Variants in RPS6KA2 observed in about 807,000 individuals in gnomAD.
The protein encoded by RPS6KA2 is ribosomal protein S6 kinase alpha-2.
Under a neutral mutation model 91.8 loss-of-function variants are expected in RPS6KA2, and 42 were observed. The observed-to-expected ratio is 0.46, with a 90% CI of 0.36 to 0.59. RPS6KA2 has a LOEUF of 0.59. Ranked by LOEUF, RPS6KA2 falls within the 20% of genes least tolerant of loss-of-function variation. RPS6KA2 has a pLI of 0.00. For synonymous variants in RPS6KA2, 414 were observed against 393.6 expected, an observed-to-expected ratio of 1.05 and a Z score of -0.61; for missense variants, 798 against 978.5, an observed-to-expected ratio of 0.82 and a Z score of 2.46.
rs190267532 is a variant in RPS6KA2 at position 166,634,646 on chromosome 6, G to A, written c.124-95862C>T. ...ATTTCATTTGCAAATGTTTTTTGAG[G>A]CAGAATCTCACTCTGTCCCCCAGGC... is the stretch of plus-strand genomic sequence containing the variant. On this transcript the variant is annotated intron_variant, in intron 2 of 21. Coordinates refer to the RPS6KA2 transcript ENST00000503859. Among the ~76,000 whole-genome samples, 20 of 152,224 alleles carry A rather than the reference G, an allele frequency of 1.3e-4. No individual in the cohort carries two copies. The East Asian group carries it at 3.9e-3, about 29-fold the overall frequency.
intron 2 of RPS6KA2, among the ~76,000 whole-genome samples, chr6:166,637,050 C>T (rs1787267319): frequency 6.6e-6 from 1 of 152,216 alleles, no homozygotes; most frequent in African/African-American, 2.4e-5. Flanking sequence ...TTCCTCTCCA[C>T]CACCTAAAGG....
At chr6:166,673,507 G>A (rs1024905199) in intron 2 of RPS6KA2, among the ~76,000 whole-genome samples, 5 of 152,114 alleles carry the variant, frequency 3.3e-5, no homozygotes, top group Admixed American at 1.3e-4. Flanking sequence ...ACAGCCCTAC[G>A]GACTCCCAGC....
At chr6:166,534,066 C>T (rs1253133150) in intron 2 of RPS6KA2, among the ~76,000 whole-genome samples, 1 of 151,758 alleles carries the variant, frequency 6.6e-6, no homozygotes, top group Non-Finnish European at 1.5e-5. Context: ...ACTAAAAATA[C>T]AAAAAATTAG....
chr6:166,430,898 C>A (rs1779106258), intron 15 of RPS6KA2, among the ~76,000 whole-genome samples: 1 of 152,126 alleles, frequency 6.6e-6, no homozygotes, highest in Admixed American at 6.5e-5. Flanking sequence ...GGCTTCATGA[C>A]TCTGCCAGGA....
In RPS6KA2 at chr6:166,411,041, T is replaced by G. The variant is rs1331319789; in HGVS notation, c.*1721A>C. ...TGGAGAAAATGTGAGGAATACCCTG[T>G]GGGCACTATGGAAACAGGTATTCAG... On this transcript the variant is annotated 3_prime_UTR_variant, in exon 21 of 21. Transcript: ENST00000265678. This position sits in a 1 kb window ranked among gnomAD's most constrained non-coding sequence, Gnocchi z 4.5. 6.6e-6 allele frequency: 1 copy of G among 152,134 alleles called. No individual in the cohort carries two copies. Among genetic ancestry groups the G allele is most frequent in the Non-Finnish European group, 1.5e-5 (1 of 68,028 alleles). The allele number at this position is 152,134 out of a possible 1,614,324, so 9.4% of individuals were successfully genotyped here. A position where few individuals can be genotyped will look rare whatever the true frequency, so the allele number is the denominator to read the frequency against.
intron 1 of RPS6KA2, among the ~76,000 whole-genome samples, chr6:166,588,739 A>G (rs545095058): frequency 1.3e-5 from 2 of 152,212 alleles, no homozygotes; most frequent in Non-Finnish European, 2.9e-5. Context: ...TGCCCTGATG[A>G]TGGACACAGG....
chr6:166,722,873 T>A (rs530430127), intron 2 of RPS6KA2, among the ~76,000 whole-genome samples: 57 of 152,178 alleles, frequency 3.7e-4, no homozygotes, highest in Non-Finnish European at 7.4e-5. Flanking sequence ...ATTTCTGGAG[T>A]AATTTCGGTT....
intron 2 of RPS6KA2, among the ~76,000 whole-genome samples, chr6:166,772,804 A>G (rs1261074910): frequency 6.6e-6 from 1 of 151,836 alleles, no homozygotes; most frequent in Middle Eastern, 3.2e-3. Flanking sequence ...CACATTACTA[A>G]ATTTTTCATA....
chr6:166,610,857 A>C (rs1786145214), intron 1 of RPS6KA2, among the ~76,000 whole-genome samples: 1 of 152,254 alleles, frequency 6.6e-6, no homozygotes, highest in Admixed American at 6.5e-5. Flanking sequence ...TGTAATAAAT[A>C]ATATACCTTT....
chr6:166,694,389 A>G (rs1562387251), intron 2 of RPS6KA2, among the ~76,000 whole-genome samples: 1 of 152,222 alleles, frequency 6.6e-6, no homozygotes. Flanking sequence ...CTGTTCACCC[A>G]TCTCTCCATT....
intron 2 of RPS6KA2, among the ~76,000 whole-genome samples, chr6:166,839,689 A>AGAGGGGAGGGGAGGGGAGGG (rs1554262087): frequency 2.9e-4 from 2 of 6,786 alleles, no homozygotes; most frequent in African/African-American, 7.8e-4. Context: ...GCAGGAGAGG[A>AGAGGGGAGGGGAGGGGAGGG]GAGGGGAGGA....
Position 166,601,771 on chromosome 6 carries a change from G to A in RPS6KA2, c.99+25150C>T, listed in dbSNP as rs972550122. ...AATGCAAGTCATTAAAGACCAAAGC[G>A]TTAAAATTAAAACTTTAAAAATTTT... is the stretch of plus-strand genomic sequence containing the variant. On this transcript the variant is annotated intron_variant, in intron 1 of 20. Coordinates refer to ENST00000265678, the MANE Select transcript of RPS6KA2 (RefSeq NM_021135.6). Among the ~76,000 whole-genome samples, 10 of 152,150 alleles carry A rather than the reference G, an allele frequency of 6.6e-5. No individual in the cohort carries two copies. The Middle Eastern group carries it at 0.01, about 155-fold the overall frequency.
chr6:166,667,310 T>C (rs982093111), intron 2 of RPS6KA2, among the ~76,000 whole-genome samples: 1 of 152,252 alleles, frequency 6.6e-6, no homozygotes, highest in Admixed American at 6.5e-5. Flanking sequence ...GTAACTGCAG[T>C]ATATGTGCAT....
At chr6:166,701,573 G>T in intron 2 of RPS6KA2, 1 of 1,422,266 alleles carries the variant, frequency 7.0e-7, no homozygotes, top group Non-Finnish European at 9.9e-7. Context: ...TTGCTGATGA[G>T]GGCTCTGACT....
At chr6:166,649,212 C>T (rs1787772751) in intron 2 of RPS6KA2, among the ~76,000 whole-genome samples, 1 of 152,170 alleles carries the variant, frequency 6.6e-6, no homozygotes, top group African/African-American at 2.4e-5. Flanking sequence ...CGCGTTCCTG[C>T]CCCTGCGCCC....
At position 166,748,678 on chromosome 6, in the gene RPS6KA2, GGTCCCCCATTTCCTCA is replaced by G. The variant is rs1361514382; in HGVS notation, c.123+109506_123+109521del. Among the ~76,000 whole-genome samples, 67 of 19,858 alleles carry G rather than the reference GGTCCCCCATTTCCTCA, an allele frequency of 3.4e-3. 3 individuals carry two copies. The highest frequency in any genetic ancestry group is 0.014 in the African/African-American group (40 of 2,866). 13.0% of individuals were successfully genotyped at this position (19,858 alleles called of 152,430 possible). On this transcript the variant is annotated intron_variant, in intron 2 of 21. Transcript: ENST00000503859. ...CACCTCCTCAGGCCCCCATCTCCTC[GGTCCCCCATTTCCTCA>G]GGCCCCCACCTCCTCAGGCCCCCAT...
chr6:166,488,026 G>GT (rs1781466326), intron 10 of RPS6KA2, among the ~76,000 whole-genome samples: 1 of 152,094 alleles, frequency 6.6e-6, no homozygotes. Flanking sequence ...CCGAAATGAA[G>GT]TATTTCCTGA....
intron 1 of RPS6KA2, among the ~76,000 whole-genome samples, chr6:166,573,888 C>A (rs1019345683): frequency 6.6e-6 from 1 of 152,168 alleles, no homozygotes; most frequent in East Asian, 1.9e-4. Context: ...GAGCTCCTCA[C>A]GCATGTGAAG....
intron 2 of RPS6KA2, among the ~76,000 whole-genome samples, chr6:166,652,171 G>A (rs894291288): frequency 3.9e-5 from 6 of 152,320 alleles, no homozygotes; most frequent in African/African-American, 1.4e-4. Context: ...AAACACCTTC[G>A]CATTACATGT....
Sources: allele counts gnomAD v4.1 joint callset (sites outside exome capture counted in the v4.1 genomes callset), GRCh38; gene constraint gnomAD v4.1.1; non-coding constraint Gnocchi (gnomAD v3.1); transcripts MANE v1.5; gene names NCBI Gene and HGNC (gene_info 2026-07-23, HGNC 2026-07-21).